Variants in ADGRF5 observed in about 807,000 individuals in gnomAD.
ADGRF5 encodes the protein adhesion G protein-coupled receptor F5.
ADGRF5 carries 75 observed loss-of-function variants against 132.3 expected under a neutral mutation model. The observed-to-expected ratio is 0.57, with a 90% CI of 0.47 to 0.69. The LOEUF is 0.69. ADGRF5 is among the 30% of genes least tolerant of loss of function. The probability of loss-of-function intolerance (pLI) is 0.00; values close to 1 mark genes in which losing one functional copy is unlikely to be tolerated. For missense variants in ADGRF5, 1,516 were observed against 1,630.6 expected, an observed-to-expected ratio of 0.93 and a Z score of 1.21; for synonymous variants, 629 against 597.6, an observed-to-expected ratio of 1.05 and a Z score of -0.77.
chr6:46,895,995 T>C (rs1488957763), intron 3 of ADGRF5, among the ~76,000 whole-genome samples: 2 of 152,058 alleles, frequency 1.3e-5, no homozygotes, highest in Non-Finnish European at 2.9e-5. Context: ...CCAAGTCACA[T>C]CTGTCCAAGA....
intron 3 of ADGRF5, among the ~76,000 whole-genome samples, chr6:46,898,987 G>T (rs755608979): frequency 6.6e-5 from 10 of 152,188 alleles, no homozygotes; most frequent in Non-Finnish European, 1.3e-4. Context: ...CAGAGATGAG[G>T]AGAACGCAGG....
rs1285766202 is a variant in ADGRF5 at position 46,877,279 on chromosome 6, CTTTCTT to C, written c.1240+917_1240+922del. Among the ~76,000 whole-genome samples, 188 of 48,368 alleles carry C rather than the reference CTTTCTT, an allele frequency of 3.9e-3. 1 individual carries two copies. Among genetic ancestry groups the C allele is most frequent in the African/African-American group, 0.018 (146 of 8,340 alleles). 31.7% of individuals were successfully genotyped at this position (48,368 alleles called of 152,430 possible). ...TCTTTCTTTCTTTCTTTCTTTCTTTCTTTCTTTCTTTCTCTCTCTCTCTCTCTTTCC... is the reference window on the plus strand; with the variant it reads ...TCTTTCTTTCTTTCTTTCTTTCTTTCTCTTTCTCTCTCTCTCTCTCTTTCC... On this transcript the variant is annotated intron_variant, in intron 10 of 20. Coordinates refer to ENST00000283296, the MANE Select transcript of ADGRF5 (RefSeq NM_001098518.2).
At chr6:46,924,227 C>T (rs981268040), upstream of ADGRF5, among the ~76,000 whole-genome samples, 13 of 152,180 alleles carry the variant, frequency 8.5e-5, no homozygotes, top group African/African-American at 3.1e-4. Flanking sequence ...TCCTATTTCT[C>T]CCAGCCTGAG....
chr6:46,862,458 A>T (rs1024710506), intron 15 of ADGRF5, among the ~76,000 whole-genome samples: 13 of 152,182 alleles, frequency 8.5e-5, no homozygotes, highest in Admixed American at 7.2e-4. Context: ...CTGTAAGAGC[A>T]TCAAGCCCAG....
intron 1 of ADGRF5, among the ~76,000 whole-genome samples, chr6:46,937,778 T>C (rs1016308992): frequency 3.3e-5 from 5 of 152,170 alleles, no homozygotes; most frequent in Non-Finnish European, 5.9e-5. Flanking sequence ...CTGCAATACA[T>C]ATCTTGACAG....
intron 1 of ADGRF5, among the ~76,000 whole-genome samples, chr6:46,929,258 C>G (rs1453097860): frequency 1.3e-5 from 2 of 152,018 alleles, no homozygotes; most frequent in Admixed American, 6.6e-5. Context: ...AACCAAACAC[C>G]TCATGTTCTC....
At position 46,862,924 on chromosome 6, in the gene ADGRF5, G is replaced by A. The variant is rs773960917; in HGVS notation, c.2163C>T (p.Ile721=). Residue 721 remains isoleucine, a synonymous_variant, in exon 15 of 21, where the codon ATC becomes ATT. Transcript: ENST00000283296. ...GGAGCAGACTGTTTATTGGGGCAGA[G>A]ATGCAGTCATTTCTCTTCTCCTCCC... The part of the protein sequence containing the change: ...SQWEEKRNDC[I]SAPINSLLQM... The A allele has an allele frequency of 1.9e-6, 3 of 1,612,896 alleles. No homozygotes were observed. The highest frequency in any genetic ancestry group is 2.2e-5 in the South Asian group (2 of 90,962).
At chr6:46,887,423 T>A (rs1400754111) in intron 4 of ADGRF5, among the ~76,000 whole-genome samples, 1 of 152,198 alleles carries the variant, frequency 6.6e-6, no homozygotes, top group Non-Finnish European at 1.5e-5. Flanking sequence ...GAAGGACTCA[T>A]AATGCACATT....
chr6:46,926,789 A>G (rs574674435), upstream of ADGRF5, among the ~76,000 whole-genome samples: 241 of 152,230 alleles, frequency 1.6e-3, 2 homozygotes, highest in African/African-American at 5.6e-3. Flanking sequence ...TCCCATGGAG[A>G]AGAGCAGGTA....
chr6:46,867,146 A>T lies in ADGRF5; in HGVS notation c.1622-9T>A, dbSNP rs1352849030. On this transcript the variant is annotated splice_polypyrimidine_tract_variant and intron_variant, in intron 12 of 20. Transcript: ENST00000283296. Reference sequence around the variant, plus strand: ...TATGCAGTGATAGGTTCCTGAGTAGAAGACGGCAAAAATGAGATGGAATGG... The same window carrying T: ...TATGCAGTGATAGGTTCCTGAGTAGTAGACGGCAAAAATGAGATGGAATGG... The T allele has an allele frequency of 6.9e-7, 1 of 1,452,992 alleles. No individual in the cohort carries two copies. The highest frequency in any genetic ancestry group is 1.7e-4 in the Middle Eastern group (1 of 5,770). The allele number at this position is 1,452,992 out of a possible 1,614,324, so 90.0% of individuals were successfully genotyped here.
intron 1 of ADGRF5, among the ~76,000 whole-genome samples, chr6:46,916,194 C>T (rs1776403085): frequency 6.6e-6 from 1 of 152,352 alleles, no homozygotes; most frequent in Middle Eastern, 3.4e-3. Flanking sequence ...CATATTGCCT[C>T]TTTTCTTGTC....
At position 46,856,117 on chromosome 6, in the gene ADGRF5, C is replaced by A. The variant is rs941475023; in HGVS notation, c.3877-59G>T. On this transcript the variant is annotated intron_variant, in intron 19 of 20. Transcript: ENST00000283296. The stretch of plus-strand genomic sequence containing the variant: ...CAAATTTGTGGGACCAAAGCTGTTT[C>A]CATCTCTAGAAGGATTGATTTTCCA... 6 of 949,356 alleles carry A rather than the reference C, an allele frequency of 6.3e-6. No homozygotes were observed. In the African/African-American group the frequency reaches 9.6e-5, roughly 15 times the overall value. The allele number at this position is 949,356 out of a possible 1,614,324, so 58.8% of individuals were successfully genotyped here. A position where few individuals can be genotyped will look rare whatever the true frequency, so the allele number is the denominator to read the frequency against.
At chr6:46,908,246 T>C (rs1031798199) in intron 1 of ADGRF5, among the ~76,000 whole-genome samples, 1 of 152,242 alleles carries the variant, frequency 6.6e-6, no homozygotes, top group African/African-American at 2.4e-5. Flanking sequence ...TAAGACCAGA[T>C]GCATCTGCTA....
chr6:46,875,813 C>T (rs1562171556), intron 10 of ADGRF5, among the ~76,000 whole-genome samples: 1 of 152,018 alleles, frequency 6.6e-6, no homozygotes, highest in African/African-American at 2.4e-5. Context: ...CAAAATGAAA[C>T]AAAAAAACCA....
Position 46,859,531 on chromosome 6 carries a change from T to G in ADGRF5, c.2380-8A>C. On this transcript the variant is annotated splice_region_variant and splice_polypyrimidine_tract_variant and intron_variant, in intron 16 of 20. Transcript: ENST00000283296. ...AACCGTAGAGAGCACGTGCTGAAAGTGAAATGGTATGGGGTCAAACTAACC... is the reference window on the plus strand; with the variant it reads ...AACCGTAGAGAGCACGTGCTGAAAGGGAAATGGTATGGGGTCAAACTAACC... 1 of 1,569,174 alleles carries G rather than the reference T, an allele frequency of 6.4e-7. No individual in the cohort carries two copies. Among genetic ancestry groups the G allele is most frequent in the South Asian group, 1.2e-5 (1 of 85,920 alleles).
At chr6:46,894,257 A>G (rs907629615) in intron 3 of ADGRF5, among the ~76,000 whole-genome samples, 8 of 152,226 alleles carry the variant, frequency 5.3e-5, no homozygotes, top group African/African-American at 1.9e-4. Flanking sequence ...TTGTCTGTCT[A>G]CTACTGTGTG....
chr6:46,918,490 A>G (rs1776616209), intron 1 of ADGRF5, among the ~76,000 whole-genome samples: 1 of 152,216 alleles, frequency 6.6e-6, no homozygotes, highest in Non-Finnish European at 1.5e-5. Context: ...GATAATCAGT[A>G]TTTCTTTTTT....
intron 1 of ADGRF5, among the ~76,000 whole-genome samples, chr6:46,930,117 A>G (rs4714961): frequency 0.75 from 113,370 of 152,004 alleles, 42,369 homozygotes; most frequent in East Asian, 0.85. Flanking sequence ...CACCGCGCCC[A>G]GCCTCCAGGG....
At chr6:46,945,620 A>G (rs894647027) in intron 1 of ADGRF5, among the ~76,000 whole-genome samples, 2 of 152,230 alleles carry the variant, frequency 1.3e-5, no homozygotes, top group Non-Finnish European at 2.9e-5. Flanking sequence ...CTTAGCAGGG[A>G]GATCAGTTCT....
Sources: allele counts gnomAD v4.1 joint callset (sites outside exome capture counted in the v4.1 genomes callset), GRCh38; gene constraint gnomAD v4.1.1; transcripts MANE v1.5; gene names NCBI Gene and HGNC (gene_info 2026-07-23, HGNC 2026-07-21).